The following SMAD6 variants were observed in gnomAD, a reference collection of about 807,000 sequenced individuals.
SMAD6 encodes MAD homolog 6.
Under a neutral mutation model 39.4 loss-of-function variants are expected in SMAD6, and 103 were observed. The observed-to-expected ratio is 2.62, with a 90% CI of 2.23 to 3.08. The LOEUF (loss-of-function observed/expected upper bound fraction) is 3.08. SMAD6 is among the 30% of genes most tolerant of loss of function. The pLI is 0.00. For synonymous variants in SMAD6, 445 were observed against 353.3 expected, an observed-to-expected ratio of 1.26 and a Z score of -2.91; for missense variants, 1,104 against 742.9, an observed-to-expected ratio of 1.49 and a Z score of -5.65.
At chr15:66,711,835 G>A in intron 2 of SMAD6, 111 bp downstream of exon 2, 2 of 906,028 alleles carry the variant, frequency 2.2e-6, no homozygotes, top group South Asian at 2.7e-5. Context: ...TGGAGGGGAG[G>A]GGTGAAAGCC....
chr15:66,726,016 C>T (rs1028545693), intron 3 of SMAD6, among the ~76,000 whole-genome samples: 4 of 152,200 alleles, frequency 2.6e-5, no homozygotes, highest in Non-Finnish European at 5.9e-5. Context: ...CCTGGCCCTG[C>T]CACCCAGTGG....
intron 3 of SMAD6, among the ~76,000 whole-genome samples, chr15:66,750,131 C>T (rs1010754699): frequency 2.0e-5 from 3 of 152,114 alleles, no homozygotes; most frequent in Non-Finnish European, 2.9e-5. Flanking sequence ...CTTTGCAACC[C>T]TGCCCTGGAA....
chr15:66,737,110 G>A (rs1324807662), intron 3 of SMAD6, among the ~76,000 whole-genome samples: 2 of 152,208 alleles, frequency 1.3e-5, no homozygotes, highest in Non-Finnish European at 2.9e-5. Flanking sequence ...ACAGGTCTCC[G>A]GAGGAGCTGG....
chr15:66,714,255 C>T (rs1006985343), intron 2 of SMAD6, among the ~76,000 whole-genome samples: 3 of 152,142 alleles, frequency 2.0e-5, no homozygotes, highest in Admixed American at 6.5e-5. Flanking sequence ...CAGTTGTCCC[C>T]ATGGTTTTAC....
intron 3 of SMAD6, among the ~76,000 whole-genome samples, chr15:66,738,412 T>C (rs1893751561): frequency 6.6e-6 from 1 of 152,186 alleles, no homozygotes; most frequent in Non-Finnish European, 1.5e-5. Flanking sequence ...TTCGTGTCAC[T>C]GTGGACATGG....
At chr15:66,728,766 G>A (rs551568259) in intron 3 of SMAD6, among the ~76,000 whole-genome samples, 1 of 152,244 alleles carries the variant, frequency 6.6e-6, no homozygotes, top group South Asian at 2.1e-4. Context: ...AATATTCTGT[G>A]GGAATGGACT....
At chr15:66,705,259 G>C (rs1893086009) in intron 1 of SMAD6, 2 of 152,112 alleles carry the variant, frequency 1.3e-5, no homozygotes, top group Admixed American at 1.3e-4. Context: ...TTTTGTTTGA[G>C]TGTGGAGTAG....
chr15:66,778,085 C>CTTTTCCT lies in SMAD6; in HGVS notation c.953-2908_953-2907insCCTTTTT, dbSNP rs1595802784. Reference sequence around the variant, plus strand: ...AATTGAAAAACTTTCTTTTCTTTTCCTTTTTTTTTTTTTTTGAGACAAGGT... The same window carrying CTTTTCCT: ...AATTGAAAAACTTTCTTTTCTTTTCCTTTTCCTTTTTTTTTTTTTTTTGAGACAAGGT... On this transcript the variant is annotated intron_variant, in intron 3 of 3. Coordinates refer to ENST00000288840, the MANE Select transcript of SMAD6 (RefSeq NM_005585.5). 3.6e-5 allele frequency among the ~76,000 whole-genome samples: 5 copies of CTTTTCCT among 139,534 alleles called. No homozygotes were observed. In the East Asian group the frequency reaches 1.0e-3, roughly 28 times the overall value. The allele number at this position is 139,534 out of a possible 152,430, so 91.5% of individuals were successfully genotyped here. A position where few individuals can be genotyped will look rare whatever the true frequency, so the allele number is the denominator to read the frequency against.
intron 3 of SMAD6, among the ~76,000 whole-genome samples, chr15:66,738,669 AC>A (rs1332689345): frequency 6.6e-6 from 1 of 152,046 alleles, no homozygotes; most frequent in Admixed American, 6.5e-5. Context: ...TCTACGAATA[AC>A]CCTGCTTTGT....
rs571789529 is a variant in SMAD6, at chr15:66,719,915, G to T, written c.952+3417G>T. ...GGCTTCACCAAGGTCACTGGGGAGGGGGGTGGTGGAGGGAGGCTAGAATGC... is the reference window on the plus strand; with the variant it reads ...GGCTTCACCAAGGTCACTGGGGAGGTGGGTGGTGGAGGGAGGCTAGAATGC... On this transcript the variant is annotated intron_variant, in intron 3 of 3. Transcript: ENST00000288840. Among the ~76,000 whole-genome samples the T allele has an allele frequency of 6.6e-5, 10 of 152,322 alleles. No homozygotes were observed. The East Asian group carries it at 1.5e-3, about 24-fold the overall frequency.
chr15:66,777,331 G>A (rs1894484400), intron 3 of SMAD6, among the ~76,000 whole-genome samples: 1 of 152,064 alleles, frequency 6.6e-6, no homozygotes, highest in Non-Finnish European at 1.5e-5. Flanking sequence ...CGTGGGGTGT[G>A]GGGTGGGGGC....
Position 66,703,430 on chromosome 15 carries a change from T to TC in SMAD6, c.174dup (p.Glu59ArgfsTer62). Reference sequence around the variant, plus strand: ...AAGAGAGGGCGGAGGCTGCGGCCGCTCCGAAGTCCGCCCGGTAGCCCCGCG... The same window carrying TC: ...AAGAGAGGGCGGAGGCTGCGGCCGCTCCCGAAGTCCGCCCGGTAGCCCCGCG... On this transcript the variant is annotated frameshift_variant, in exon 1 of 4. Coordinates refer to ENST00000288840, the MANE Select transcript of SMAD6 (RefSeq NM_005585.5). LOFTEE classifies it high-confidence loss of function. 1 of 1,292,396 alleles carries TC rather than the reference T, an allele frequency of 7.7e-7. No homozygotes were observed. The highest frequency in any genetic ancestry group is 9.8e-7 in the Non-Finnish European group (1 of 1,017,136). The allele number at this position is 1,292,396 out of a possible 1,614,324, so 80.1% of individuals were successfully genotyped here.
chr15:66,715,095 C>T (rs1217044217), intron 2 of SMAD6, among the ~76,000 whole-genome samples: 1 of 147,672 alleles, frequency 6.8e-6, no homozygotes, highest in African/African-American at 2.5e-5. Context: ...CATATTTTTC[C>T]AGCAGATAAC....
chr15:66,727,843 C>CA lies in SMAD6; in HGVS notation c.952+11348dup, dbSNP rs200479943. ...AGATGTCACATGTGAACAATTTTCACAAAGTGAGCATTCTTTTTTTTTTTT... is the reference window on the plus strand; with the variant it reads ...AGATGTCACATGTGAACAATTTTCACAAAAGTGAGCATTCTTTTTTTTTTTT... On this transcript the variant is annotated intron_variant, in intron 3 of 3. Coordinates refer to ENST00000288840, the MANE Select transcript of SMAD6 (RefSeq NM_005585.5). Among the ~76,000 whole-genome samples the CA allele has an allele frequency of 6.2e-3, 941 of 152,064 alleles. 10 individuals carry two copies. The highest frequency in any genetic ancestry group is 0.021 in the African/African-American group (868 of 41,472).
chr15:66,751,363 A>G (rs147800809), intron 3 of SMAD6, among the ~76,000 whole-genome samples: 1 of 152,302 alleles, frequency 6.6e-6, no homozygotes, highest in East Asian at 1.9e-4. Flanking sequence ...ATGGTAGTCC[A>G]TGAACAGTGC....
chr15:66,728,353 A>C (rs184643738), intron 3 of SMAD6, among the ~76,000 whole-genome samples: 2 of 152,102 alleles, frequency 1.3e-5, no homozygotes, highest in Non-Finnish European at 2.9e-5. Context: ...GCTTTTTGGA[A>C]TATAGCTTCT....
At position 66,703,735 on chromosome 15, in the gene SMAD6, C is replaced by G. The variant is rs1278854033; in HGVS notation, c.477C>G (p.Arg159=). 1.5e-6 allele frequency: 2 copies of G among 1,371,542 alleles called. No individual in the cohort carries two copies. The highest frequency in any genetic ancestry group is 1.5e-5 in the African/African-American group (1 of 66,380). 85.0% of individuals were successfully genotyped at this position (1,371,542 alleles called of 1,614,324 possible). Residue 159 remains arginine, a synonymous_variant, in exon 1 of 4, where the codon CGC becomes CGG. Transcript: ENST00000288840. The stretch of plus-strand genomic sequence containing the variant: ...AGCCGGCGGGCGGCGGGCGGAGTCG[C>G]GAAGCGCGCTCGCGGCTGCTGCTGC... ...ALEPAGGGRS[R]EARSRLLLLE...
intron 3 of SMAD6, among the ~76,000 whole-genome samples, chr15:66,742,998 C>T (rs1364024682): frequency 6.6e-6 from 1 of 152,134 alleles, no homozygotes; most frequent in Non-Finnish European, 1.5e-5. Flanking sequence ...CGTGCCCTGA[C>T]CGTGTGACCG....
intron 3 of SMAD6, among the ~76,000 whole-genome samples, chr15:66,762,295 C>T (rs1423903105): frequency 2.0e-5 from 3 of 152,214 alleles, no homozygotes; most frequent in Non-Finnish European, 1.5e-5. Context: ...AGTATGCCTG[C>T]GTGGGTGCAT....
Sources: gnomAD v4.1 joint callset for allele counts (sites outside exome capture counted in the v4.1 genomes callset) on GRCh38, gnomAD v4.1.1 for gene constraint, MANE v1.5 for transcripts, NCBI Gene and HGNC (gene_info 2026-07-23, HGNC 2026-07-21) for gene names.